ZNFX1: variants seen among roughly 807,000 people sequenced by gnomAD.
ZNFX1 encodes the protein zinc finger NFX1-type containing 1.
ZNFX1 carries 78 observed loss-of-function variants against 179.8 expected under a neutral mutation model. The observed-to-expected ratio is 0.43, with a 90% CI of 0.36 to 0.52. The LOEUF (loss-of-function observed/expected upper bound fraction) is 0.52, where lower values mean the gene tolerates loss of function less well. Ranked by LOEUF, ZNFX1 falls within the 20% of genes least tolerant of loss-of-function variation. ZNFX1 has a pLI of 0.00. For synonymous variants in ZNFX1, 848 were observed against 868.5 expected (o/e 0.98, Z 0.42); for missense variants, 1,927 against 2,386.6 (o/e 0.81, Z 4.01).
chr20:49,249,521 C>T lies in ZNFX1; in HGVS notation c.3503G>A (p.Arg1168His), dbSNP rs1215898496. ...TTYTGQLFCL[R>H]KLMPAKTFAG... ...AAATGTCTTGGCAGGCATCAGTTTGCGCAGGCAGAAGAGCTGCCCGGTATA... is the reference window on the plus strand; with the variant it reads ...AAATGTCTTGGCAGGCATCAGTTTGTGCAGGCAGAAGAGCTGCCCGGTATA... The change falls in exon 14 of 14, where the codon CGC becomes CAC. Residue 1168 changes from arginine (R) to histidine (H), a missense_variant. Coordinates refer to ENST00000396105, the MANE Select transcript of ZNFX1 (RefSeq NM_021035.3). 9 of 1,614,206 alleles carry T rather than the reference C, an allele frequency of 5.6e-6. No individual in the cohort carries two copies. Among genetic ancestry groups the T allele is most frequent in the South Asian group, 3.3e-5 (3 of 91,082 alleles).
chr20:49,249,243 G>T lies in ZNFX1; in HGVS notation c.3781C>A (p.Arg1261=), dbSNP rs746126828. Residue 1261 remains arginine, a synonymous_variant, in exon 14 of 14, where the codon CGG becomes AGG. Coordinates refer to ENST00000396105, the MANE Select transcript of ZNFX1 (RefSeq NM_021035.3). ...RENNQIGPML[R]LCCQNHPETH... ...TCAGGGTGGTTCTGGCAGCAGAGCC[G>T]GAGCATGGGGCCTATTTGATTGTTC... The T allele has an allele frequency of 1.2e-6, 2 of 1,614,204 alleles. No homozygotes were observed. The highest frequency in any genetic ancestry group is 3.3e-5 in the Admixed American group (2 of 60,024).
intron 12 of ZNFX1, 119 bp downstream of exon 12, chr20:49,252,599 GAC>G: frequency 1.5e-6 from 1 of 657,040 alleles, no homozygotes; most frequent in Non-Finnish European, 2.7e-6. Flanking sequence ...ATGTAAGGTT[GAC>G]AGAGTCATTT....
rs1980672702 is a variant in ZNFX1 at position 49,246,405 on chromosome 20, T to C, written c.*862A>G. ...CACTCTCAGTGACTATGTAACTGTG[T>C]CAGGGTGAGTTGGTGCAGTCTTTTG... On this transcript the variant is annotated 3_prime_UTR_variant, in exon 14 of 14. Coordinates refer to ENST00000396105, the MANE Select transcript of ZNFX1 (RefSeq NM_021035.3). 6.4e-6 allele frequency: 1 copy of C among 156,528 alleles called. No homozygotes were observed. The highest frequency in any genetic ancestry group is 1.4e-5 in the Non-Finnish European group (1 of 70,822). 9.7% of individuals were successfully genotyped at this position (156,528 alleles called of 1,614,324 possible).
At chr20:49,252,942 A>T in intron 11 of ZNFX1, 112 bp from the exon 12 acceptor site, 1 of 792,534 alleles carries the variant, frequency 1.3e-6, no homozygotes, top group East Asian at 2.5e-5. Flanking sequence ...ACTATGTGCC[A>T]GGCACTATTC....
At position 49,257,477 on chromosome 20, in the gene ZNFX1, C is replaced by A; in HGVS notation, c.2604G>T (p.Arg868Ser). 6.2e-7 allele frequency: 1 copy of A among 1,614,060 alleles called. No homozygotes were observed. Among genetic ancestry groups the A allele is most frequent in the Non-Finnish European group, 8.5e-7 (1 of 1,180,024 alleles). ...CTGTCCCAGTGCCACAATGGTCTAG[C>A]CTCATGGCCAGAAGCATTTTAGCCA... ...QELAKMLLAM[R>S]LDHCGTGTAA... The change falls in exon 8 of 14, where the codon AGG becomes AGT. Residue 868 changes from arginine (R) to serine (S), a missense_variant. Coordinates refer to ENST00000396105, the MANE Select transcript of ZNFX1 (RefSeq NM_021035.3).
chr20:49,255,971 G>C, intron 8 of ZNFX1, 24 bp from the exon 9 acceptor site: 2 of 1,612,402 alleles, frequency 1.2e-6, no homozygotes, highest in South Asian at 2.2e-5. Context: ...TACCAGGCAG[G>C]GTACTGTCTG....
chr20:49,270,126 C>A lies in ZNFX1; in HGVS notation c.1686G>T (p.Glu562Asp), dbSNP rs1362751259. 1.9e-6 allele frequency: 3 copies of A among 1,614,180 alleles called. No homozygotes were observed. Among genetic ancestry groups the A allele is most frequent in the Non-Finnish European group, 2.5e-6 (3 of 1,180,034 alleles). Residue 562 changes from glutamate (E) to aspartate (D), a missense_variant, in exon 3 of 14, where the codon GAG becomes GAT. Transcript: ENST00000396105. This position sits in a 1 kb window ranked among gnomAD's most constrained non-coding sequence, Gnocchi z 4.6. Reference protein sequence around the residue: ...GGRYDFTPLIENPSATGEFLR... With the variant: ...GGRYDFTPLIDNPSATGEFLR... ...GAAATTCCCCAGTGGCTGAAGGATT[C>A]TCTATTAAGGGGGTAAAGTCGTATC...
rs746663872 is a variant in ZNFX1 at position 49,249,020 on chromosome 20, A to C, written c.4004T>G (p.Leu1335Arg). The change falls in exon 14 of 14, where the codon CTT (leucine) becomes CGT (arginine). Residue 1335 changes from leucine (L) to arginine (R), a missense_variant. Leu to Arg is a moderately radical substitution (Grantham distance 102). Coordinates refer to ENST00000396105, the MANE Select transcript of ZNFX1 (RefSeq NM_021035.3). ...AGGCTGACACTCCTGGAAGCAAACA[A>C]GGGGACACCGGTGCCCTTCCTGACA... ...VICQEGHRCP[L>R]VCFQECQPCQ... 2 of 1,614,120 alleles carry C rather than the reference A, an allele frequency of 1.2e-6. No homozygotes were observed. Among genetic ancestry groups the C allele is most frequent in the African/African-American group, 2.7e-5 (2 of 74,940 alleles).
rs1031094376 is a variant in ZNFX1, at chr20:49,246,894, G to A, written c.*373C>T. The A allele has an allele frequency of 8.7e-6, 4 of 460,672 alleles. No homozygotes were observed. Among genetic ancestry groups the A allele is most frequent in the Non-Finnish European group, 1.7e-5 (4 of 230,408 alleles). 28.5% of individuals were successfully genotyped at this position (460,672 alleles called of 1,614,324 possible). On this transcript the variant is annotated 3_prime_UTR_variant, in exon 14 of 14. Transcript: ENST00000396105. ...ATGATTTTTTTTTTTTTGAGACAGAGTCTTGCTCCTGTCGCCCAGACTGGA... is the reference window on the plus strand; with the variant it reads ...ATGATTTTTTTTTTTTTGAGACAGAATCTTGCTCCTGTCGCCCAGACTGGA...
Position 49,246,972 on chromosome 20 carries a change from G to A in ZNFX1, c.*295C>T, listed in dbSNP as rs1252839634. The A allele has an allele frequency of 1.6e-5, 7 of 440,578 alleles. No individual in the cohort carries two copies. Among genetic ancestry groups the A allele is most frequent in the African/African-American group, 4.0e-5 (2 of 49,526 alleles). 27.3% of individuals were successfully genotyped at this position (440,578 alleles called of 1,614,324 possible). On this transcript the variant is annotated 3_prime_UTR_variant, in exon 14 of 14. Coordinates refer to ENST00000396105, the MANE Select transcript of ZNFX1 (RefSeq NM_021035.3). ...CAACCTCCGCCTCCTGGGTTTAAGC[G>A]ATTCTTCTGCCTCAGCCTCCCAAGT...
At chr20:49,276,857 CATCTT>C (rs1858714031) in intron 1 of ZNFX1, among the ~76,000 whole-genome samples, 1 of 152,340 alleles carries the variant, frequency 6.6e-6, no homozygotes, top group Admixed American at 6.5e-5. Context: ...TCCCCTCCCT[CATCTT>C]ATCAAACCCA....
At position 49,254,602 on chromosome 20, in the gene ZNFX1, C is replaced by A; in HGVS notation, c.2852G>T (p.Ser951Ile). The A allele has an allele frequency of 6.2e-7, 1 of 1,614,168 alleles. No individual in the cohort carries two copies. The highest frequency in any genetic ancestry group is 8.5e-7 in the Non-Finnish European group (1 of 1,180,042). ...TGATGTGCGGTACTGGCGTTCATAG[C>A]TGAGGATCTTCCGGCGGGTGTCAGC... ...YQADTRRKIL[S>I]YERQYRTSAE... The change falls in exon 10 of 14, where the codon AGC becomes ATC. Residue 951 changes from serine to isoleucine, a missense_variant. Ser to Ile is a moderately radical substitution (Grantham distance 142, BLOSUM62 -2). Transcript: ENST00000396105.
At chr20:49,261,984 A>G (rs1285249560) in intron 6 of ZNFX1, among the ~76,000 whole-genome samples, 1 of 151,564 alleles carries the variant, frequency 6.6e-6, no homozygotes, top group South Asian at 2.1e-4. Flanking sequence ...AAACCTGCAC[A>G]CGTACCCCTG....
At chr20:49,254,311 G>A (rs996578071) in intron 10 of ZNFX1, among the ~76,000 whole-genome samples, 184 bp downstream of exon 10, 3 of 152,178 alleles carry the variant, frequency 2.0e-5, no homozygotes, top group African/African-American at 7.2e-5. Context: ...ATAGGCGTGA[G>A]CCACTGCGCC....
At chr20:49,266,404 T>C in intron 3 of ZNFX1, 138 bp from the exon 4 acceptor site, 1 of 910,036 alleles carries the variant, frequency 1.1e-6, no homozygotes, top group South Asian at 2.1e-5. Flanking sequence ...TTGTATATTG[T>C]GAAAAGTCCC....
chr20:49,266,829 T>C (rs1196484152), intron 3 of ZNFX1, among the ~76,000 whole-genome samples: 2 of 152,118 alleles, frequency 1.3e-5, no homozygotes. Context: ...GAAATCAACA[T>C]TGGAATAAGA....
rs2146742274 is a variant in ZNFX1 at position 49,271,090 on chromosome 20, G to C, written c.722C>G (p.Pro241Arg). The change falls in exon 3 of 14, where the codon CCA (proline) becomes CGA (arginine). Residue 241 changes from proline (P) to arginine (R), a missense_variant. Physicochemically the swap from Pro to Arg is moderately radical, Grantham distance 103. Coordinates refer to ENST00000396105, the MANE Select transcript of ZNFX1 (RefSeq NM_021035.3). ...EPIPDIRNQY[P>R]EHISNIISLL... ...GGAGATGATGTTGCTTATGTGCTCT[G>C]GATACTGGTTTCGGATGTCAGGGAT... 6.2e-7 allele frequency: 1 copy of C among 1,614,140 alleles called. No homozygotes were observed. The highest frequency in any genetic ancestry group is 1.7e-5 in the Admixed American group (1 of 60,012).
In ZNFX1 at chr20:49,248,699, C is replaced by T; in HGVS notation, c.4325G>A (p.Gly1442Glu). ...TTKCGTILDC[G>E]HPCPGSCHSC... ...GTGGCAGGAGCCTGGGCAAGGATGCCCGCAGTCCAAGATAGTGCCACACTT... is the reference window on the plus strand; with the variant it reads ...GTGGCAGGAGCCTGGGCAAGGATGCTCGCAGTCCAAGATAGTGCCACACTT... The change falls in exon 14 of 14, where the codon GGG becomes GAG. Residue 1442 changes from glycine to glutamate, a missense_variant. Gly to Glu is a moderately conservative substitution (Grantham distance 98). Coordinates refer to ENST00000396105, the MANE Select transcript of ZNFX1 (RefSeq NM_021035.3). This position sits in a 1 kb window ranked among gnomAD's most constrained non-coding sequence, Gnocchi z 4.6. 1 of 1,612,650 alleles carries T rather than the reference C, an allele frequency of 6.2e-7. No individual in the cohort carries two copies. The highest frequency in any genetic ancestry group is 8.5e-7 in the Non-Finnish European group (1 of 1,180,042).
Position 49,270,407 on chromosome 20 carries a change from C to T in ZNFX1, c.1405G>A (p.Val469Ile), listed in dbSNP as rs774879663. 8.7e-6 allele frequency: 14 copies of T among 1,614,082 alleles called. No homozygotes were observed. The highest frequency in any genetic ancestry group is 3.3e-5 in the Admixed American group (2 of 60,008). ...DNFETFLFAT[V>I]SNREQEDLCR... ...AGATCTTCCTGCTCCCTGTTAGATACGGTGGCAAAAAGAAATGTCTCGAAG... is the reference window on the plus strand; with the variant it reads ...AGATCTTCCTGCTCCCTGTTAGATATGGTGGCAAAAAGAAATGTCTCGAAG... The change falls in exon 3 of 14, where the codon GTA (valine) becomes ATA (isoleucine). Residue 469 changes from valine (V) to isoleucine (I), a missense_variant. Val to Ile is a conservative substitution (Grantham distance 29, BLOSUM62 3). Coordinates refer to ENST00000396105, the MANE Select transcript of ZNFX1 (RefSeq NM_021035.3). This position sits in a 1 kb window ranked among gnomAD's most constrained non-coding sequence, Gnocchi z 4.6.
Sources: allele counts gnomAD v4.1 joint callset (sites outside exome capture counted in the v4.1 genomes callset), GRCh38; gene constraint gnomAD v4.1.1; non-coding constraint Gnocchi (gnomAD v3.1); transcripts MANE v1.5; gene names NCBI Gene and HGNC (gene_info 2026-07-23, HGNC 2026-07-21).